XKR9: variants seen among roughly 807,000 people sequenced by gnomAD.
The protein encoded by XKR9 is XK related 9.
Under a neutral mutation model 32.0 loss-of-function variants are expected in XKR9, and 32 were observed. The ratio of observed to expected loss-of-function variants is 1.00; its 90% CI spans 0.76 to 1.34. The LOEUF (loss-of-function observed/expected upper bound fraction) is 1.34. Among genes scored for constraint, XKR9 ranks in the 40% most tolerant of loss-of-function variants. The probability of loss-of-function intolerance (pLI) is 0.00; values close to 1 mark genes in which losing one functional copy is unlikely to be tolerated. For synonymous variants in XKR9, 168 were observed against 143.4 expected (o/e 1.17, Z -1.22); for missense variants, 546 against 429.7 (o/e 1.27, Z -2.39).
the XKR9 span, among the ~76,000 whole-genome samples, chr8:70,803,618 CT>C: frequency 6.6e-6 from 1 of 152,050 alleles, no homozygotes; most frequent in African/African-American, 2.4e-5. Context: ...TTGCTTTTAT[CT>C]TTTTTGATTC....
the XKR9 span, among the ~76,000 whole-genome samples, chr8:71,000,536 A>G: frequency 6.6e-6 from 1 of 152,222 alleles, no homozygotes; most frequent in African/African-American, 2.4e-5. Flanking sequence ...TAAAAAAACA[A>G]AAAGACTGGA....
chr8:70,729,580 A>G (rs998109724), intron 4 of XKR9, among the ~76,000 whole-genome samples: 1 of 152,156 alleles, frequency 6.6e-6, no homozygotes, highest in African/African-American at 2.4e-5. Flanking sequence ...GGAAACCACC[A>G]TTTAAAGAGG....
the XKR9 span, among the ~76,000 whole-genome samples, chr8:70,850,555 C>T: frequency 3.8e-4 from 58 of 151,670 alleles, 1 homozygote; most frequent in Middle Eastern, 3.4e-3. Flanking sequence ...ACTGGCAAAC[C>T]GAATCCAGCA....
At chr8:70,717,080 G>A (rs1806117883) in intron 4 of XKR9, among the ~76,000 whole-genome samples, 1 of 152,204 alleles carries the variant, frequency 6.6e-6, no homozygotes, top group South Asian at 2.1e-4. Context: ...GATGCAAGAG[G>A]TGGACTCCTA....
intron 2 of XKR9, among the ~76,000 whole-genome samples, chr8:70,786,425 C>T (rs1807689332): frequency 6.6e-6 from 1 of 152,034 alleles, no homozygotes; most frequent in South Asian, 2.1e-4. Context: ...CCTTCAGACC[C>T]TTTAATATTT....
chr8:70,937,736 T>C, the XKR9 span, among the ~76,000 whole-genome samples: 2 of 152,032 alleles, frequency 1.3e-5, no homozygotes, highest in East Asian at 1.9e-4. Context: ...ATAAAGTTAA[T>C]AAGTAGGAAA....
chr8:70,825,914 T>C, the XKR9 span, among the ~76,000 whole-genome samples: 1,545 of 152,170 alleles, frequency 0.01, 24 homozygotes, highest in African/African-American at 0.035. Flanking sequence ...ATTTAAAAAA[T>C]AAACTATACT....
chr8:70,932,051 A>T, the XKR9 span, among the ~76,000 whole-genome samples: 6 of 152,182 alleles, frequency 3.9e-5, no homozygotes, highest in Non-Finnish European at 7.3e-5. Context: ...CACACGTATT[A>T]GACAGTTCAA....
the XKR9 span, among the ~76,000 whole-genome samples, chr8:70,813,823 G>A: frequency 3.9e-5 from 6 of 152,300 alleles, no homozygotes; most frequent in East Asian, 1.2e-3. Flanking sequence ...GGAGAAATAG[G>A]AATACTTTTA....
At chr8:70,888,670 A>G in the XKR9 span, among the ~76,000 whole-genome samples, 21 of 152,026 alleles carry the variant, frequency 1.4e-4, no homozygotes, top group African/African-American at 4.6e-4. Flanking sequence ...TTTTTTGCAT[A>G]TGTATATCCA....
the XKR9 span, among the ~76,000 whole-genome samples, chr8:70,957,864 T>C: frequency 0.019 from 2,670 of 140,162 alleles, 72 homozygotes; most frequent in African/African-American, 0.067. Context: ...CTCGGCTCAC[T>C]GCAACCTCTG....
chr8:70,895,948 C>T, the XKR9 span, among the ~76,000 whole-genome samples: 2 of 152,014 alleles, frequency 1.3e-5, no homozygotes, highest in Non-Finnish European at 1.5e-5. Context: ...GTCGAGGCTG[C>T]GGTGAGCTGA....
At chr8:70,983,890 G>A in the XKR9 span, among the ~76,000 whole-genome samples, 1 of 150,042 alleles carries the variant, frequency 6.7e-6, no homozygotes, top group Admixed American at 6.6e-5. Flanking sequence ...TTAAGTCGAA[G>A]CGAATGTAAT....
At chr8:70,754,128 A>G (rs1807182984) in intron 2 of XKR9, among the ~76,000 whole-genome samples, 2 of 142,708 alleles carry the variant, frequency 1.4e-5, no homozygotes, top group African/African-American at 5.1e-5. Context: ...ATAACAGACA[A>G]ACAGAGAGCC....
the XKR9 span, among the ~76,000 whole-genome samples, chr8:70,805,456 G>C: frequency 5.3e-5 from 8 of 152,194 alleles, no homozygotes; most frequent in East Asian, 1.4e-3. Context: ...GAGCTCCTTG[G>C]GGGAAGGGCA....
chr8:70,859,082 A>C, the XKR9 span, among the ~76,000 whole-genome samples: 2 of 152,290 alleles, frequency 1.3e-5, no homozygotes, highest in Admixed American at 6.5e-5. Flanking sequence ...GAATGAGGTA[A>C]AATATTTGCA....
chr8:70,738,212 C>G (rs1024109026), downstream of XKR9, among the ~76,000 whole-genome samples: 7 of 134,546 alleles, frequency 5.2e-5, no homozygotes, highest in African/African-American at 1.6e-4. Flanking sequence ...GTGTATGTGT[C>G]AAGGAATTTA....
intron 2 of XKR9, among the ~76,000 whole-genome samples, chr8:70,779,049 C>T (rs1184458848): frequency 1.3e-5 from 2 of 151,900 alleles, no homozygotes; most frequent in East Asian, 1.9e-4. Flanking sequence ...GAATGTTTCC[C>T]GTTTTTGCCC....
chr8:71,037,626 C>G, the XKR9 span, among the ~76,000 whole-genome samples: 1 of 152,144 alleles, frequency 6.6e-6, no homozygotes, highest in African/African-American at 2.4e-5. Context: ...AAAAGACTCA[C>G]ACTAGGTTTA....
Sources: allele counts gnomAD v4.1 joint callset (sites outside exome capture counted in the v4.1 genomes callset), GRCh38; gene constraint gnomAD v4.1.1; transcripts MANE v1.5; gene names NCBI Gene and HGNC (gene_info 2026-07-23, HGNC 2026-07-21).